The following NGEF variants were observed in gnomAD, a reference collection of about 807,000 sequenced individuals.
NGEF encodes the protein neuronal guanine nucleotide exchange factor.
Under a neutral mutation model 80.9 loss-of-function variants are expected in NGEF, and 31 were observed. The observed-to-expected ratio is 0.38, with a 90% confidence interval of 0.29 to 0.52. NGEF has a LOEUF of 0.52. Ranked by LOEUF, NGEF falls within the 20% of genes least tolerant of loss-of-function variation. NGEF has a pLI of 0.84. For synonymous variants in NGEF, 371 were observed against 370.2 expected, an observed-to-expected ratio of 1.00 and a Z score of -0.03; for missense variants, 709 against 926.2, an observed-to-expected ratio of 0.77 and a Z score of 3.04.
In NGEF at chr2:232,892,708, C is replaced by T. The variant is rs574794084; in HGVS notation, c.1142+190G>A. The stretch of plus-strand genomic sequence containing the variant: ...TAATGTTTCTCTAGTGACACCAATA[C>T]ACCCTAGAACGTGCTGGGTTGGGAC... On this transcript the variant is annotated intron_variant, in intron 7 of 14. Transcript: ENST00000264051. The surrounding 1 kb of genome is among the most constrained non-coding windows in gnomAD (Gnocchi z 4.0). 6.6e-6 allele frequency among the ~76,000 whole-genome samples: 1 copy of T among 152,340 alleles called. No homozygotes were observed. The highest frequency in any genetic ancestry group is 1.5e-5 in the Non-Finnish European group (1 of 68,034).
intron 1 of NGEF, among the ~76,000 whole-genome samples, chr2:232,995,640 A>G (rs1243256950): frequency 1.7e-5 from 1 of 60,172 alleles, no homozygotes; most frequent in Non-Finnish European, 3.5e-5. Context: ...GTATATATGT[A>G]TTATAGTGTA....
chr2:232,921,863 G>A (rs572593182), intron 4 of NGEF, among the ~76,000 whole-genome samples: 1 of 152,298 alleles, frequency 6.6e-6, no homozygotes, highest in East Asian at 1.9e-4. Flanking sequence ...TGCACTGAAG[G>A]ACTGGGAAGG....
At position 232,878,778 on chromosome 2, in the gene NGEF, A is replaced by G; in HGVS notation, c.*711T>C. On this transcript the variant is annotated 3_prime_UTR_variant, in exon 15 of 15. Transcript: ENST00000264051. Reference sequence around the variant, plus strand: ...TTCTCAGAACCATAATCGATACAAGATGCAGTGACCAATTCATTCCTTAAA... The same window carrying G: ...TTCTCAGAACCATAATCGATACAAGGTGCAGTGACCAATTCATTCCTTAAA... 6.6e-6 allele frequency: 1 copy of G among 152,670 alleles called. No homozygotes were observed. Among genetic ancestry groups the G allele is most frequent in the South Asian group, 2.1e-4 (1 of 4,832 alleles). The allele number at this position is 152,670 out of a possible 1,614,324, so 9.5% of individuals were successfully genotyped here. A position where few individuals can be genotyped will look rare whatever the true frequency, so the allele number is the denominator to read the frequency against.
intron 8 of NGEF, 137 bp downstream of exon 8, chr2:232,891,221 G>T (rs1574991980): frequency 8.4e-7 from 1 of 1,193,286 alleles, no homozygotes; most frequent in East Asian, 2.4e-5. Context: ...TCACTGCCCA[G>T]GAACGTGCTT....
rs151253909 is a variant in NGEF, at chr2:232,945,925, C to T, written c.384-18739G>A. Among the ~76,000 whole-genome samples, 373 of 151,912 alleles carry T rather than the reference C, an allele frequency of 2.5e-3. 4 individuals are homozygous for T. The highest frequency in any genetic ancestry group is 8.6e-3 in the African/African-American group (355 of 41,428). On this transcript the variant is annotated intron_variant, in intron 3 of 14. Transcript: ENST00000264051. ...TGTACGAAAAAAAATACTTGCACACCCATGTTTATAGCAGCACAATTCGCA... is the reference window on the plus strand; with the variant it reads ...TGTACGAAAAAAAATACTTGCACACTCATGTTTATAGCAGCACAATTCGCA...
At position 232,901,265 on chromosome 2, in the gene NGEF, T is replaced by C. The variant is rs564325356; in HGVS notation, c.829-6349A>G. On this transcript the variant is annotated intron_variant, in intron 5 of 14. Coordinates refer to ENST00000264051, the MANE Select transcript of NGEF (RefSeq NM_019850.3). ...CCGGCCGGGACTACAGTGTCTGTCC[T>C]CGGAGTCCCACTCCTGCCTCCGCAC... The C allele has an allele frequency of 6.4e-6, 4 of 622,210 alleles. No homozygotes were observed. The African/African-American group carries it at 8.0e-5, about 12-fold the overall frequency. 38.5% of individuals were successfully genotyped at this position (622,210 alleles called of 1,614,324 possible).
chr2:232,934,018 C>T (rs996439655), intron 3 of NGEF, among the ~76,000 whole-genome samples: 2 of 151,974 alleles, frequency 1.3e-5, no homozygotes, highest in Non-Finnish European at 2.9e-5. Flanking sequence ...CCGAGGCAGG[C>T]GGATCACAAG....
chr2:232,975,783 T>C (rs1172914660), intron 1 of NGEF, among the ~76,000 whole-genome samples: 1 of 152,090 alleles, frequency 6.6e-6, no homozygotes, highest in African/African-American at 2.4e-5. Flanking sequence ...TCTTCTCAGC[T>C]CTCCACTCAT....
intron 1 of NGEF, among the ~76,000 whole-genome samples, chr2:232,997,856 C>T (rs186702935): frequency 1.8e-3 from 268 of 152,296 alleles, no homozygotes; most frequent in African/African-American, 5.9e-3. Flanking sequence ...GAATAGCCCA[C>T]GCCTCTGCCT....
intron 3 of NGEF, among the ~76,000 whole-genome samples, chr2:232,933,312 A>G (rs1574621062): frequency 6.6e-6 from 1 of 151,988 alleles, no homozygotes; most frequent in East Asian, 1.9e-4. Context: ...CTGACAGTGC[A>G]CCCACCGTCT....
At chr2:232,949,618 C>T (rs972954370) in intron 3 of NGEF, among the ~76,000 whole-genome samples, 1 of 151,574 alleles carries the variant, frequency 6.6e-6, no homozygotes, top group African/African-American at 2.4e-5. Flanking sequence ...GCTGGGATTA[C>T]AGGCATGCAC....
At chr2:233,008,738 C>T (rs1414610729) in intron 1 of NGEF, among the ~76,000 whole-genome samples, 1 of 151,858 alleles carries the variant, frequency 6.6e-6, no homozygotes, top group South Asian at 2.1e-4. Flanking sequence ...ACCTCTGTTT[C>T]TTTTCAGTTT....
intron 3 of NGEF, among the ~76,000 whole-genome samples, chr2:232,958,540 G>C (rs1290940736): frequency 2.6e-5 from 4 of 152,064 alleles, no homozygotes; most frequent in Non-Finnish European, 4.4e-5. Context: ...AATTGCTCAG[G>C]AAGCAACAAA....
chr2:232,995,572 ATATATATATACAGTATGTATACTG>A (rs1317282536), intron 1 of NGEF, among the ~76,000 whole-genome samples: 6 of 1,112 alleles, frequency 5.4e-3, no homozygotes, highest in South Asian at 0.042. Flanking sequence ...TGTATACTGT[ATATATATATACAGTATGTATACTG>A]TATATATATA....
At chr2:232,967,605 C>T (rs989202365) in intron 3 of NGEF, among the ~76,000 whole-genome samples, 5 of 152,052 alleles carry the variant, frequency 3.3e-5, no homozygotes, top group African/African-American at 9.7e-5. Flanking sequence ...AAAGTGCAAA[C>T]CTCTTTTCTT....
At chr2:232,963,674 C>T (rs1379453002) in intron 3 of NGEF, among the ~76,000 whole-genome samples, 1 of 151,904 alleles carries the variant, frequency 6.6e-6, no homozygotes, top group Non-Finnish European at 1.5e-5. Flanking sequence ...ATTAGCTGGG[C>T]GTGGTGGCAG....
chr2:232,972,619 A>G (rs1006236903), intron 2 of NGEF, among the ~76,000 whole-genome samples: 1 of 151,668 alleles, frequency 6.6e-6, no homozygotes, highest in African/African-American at 2.4e-5. Flanking sequence ...TTATTTTTTG[A>G]TCTGTAAAAT....
At chr2:232,899,628 ACAGT>A (rs1382646734) in intron 5 of NGEF, among the ~76,000 whole-genome samples, 5 of 127,174 alleles carry the variant, frequency 3.9e-5, no homozygotes, top group East Asian at 2.9e-4. Flanking sequence ...ACATGCTCTC[ACAGT>A]CACTCATATA....
intron 5 of NGEF, among the ~76,000 whole-genome samples, chr2:232,906,781 C>T (rs1297449450): frequency 6.6e-5 from 10 of 151,318 alleles, no homozygotes; most frequent in East Asian, 2.0e-4. Context: ...CGGATGGTTG[C>T]GGTGTCTGTG....
Sources: gnomAD v4.1 joint callset for allele counts (sites outside exome capture counted in the v4.1 genomes callset) on GRCh38, gnomAD v4.1.1 for gene constraint, Gnocchi (gnomAD v3.1) non-coding constraint, MANE v1.5 for transcripts, NCBI Gene and HGNC (gene_info 2026-07-23, HGNC 2026-07-21) for gene names.